The following SMARCAD1 variants were observed in gnomAD, a reference collection of about 807,000 sequenced individuals.
The protein encoded by SMARCAD1 is SNF2 related chromatin remodeling ATPase with DExD box 1, also known as SWI/SNF-related matrix-associated actin-dependent regulator of chromatin subfamily A containing DEAD/H box 1.
A neutral mutation model predicts 127.1 loss-of-function variants in SMARCAD1; 25 were observed. The ratio of observed to expected loss-of-function variants is 0.20; its 90% confidence interval spans 0.14 to 0.27. The LOEUF (loss-of-function observed/expected upper bound fraction) is 0.27. Ranked by LOEUF, SMARCAD1 falls within the 10% of genes least tolerant of loss-of-function variation. SMARCAD1 has a pLI of 1.00. For missense variants in SMARCAD1, 807 were observed against 1,206.0 expected (o/e 0.67, Z 4.90); for synonymous variants, 400 against 396.9 (o/e 1.01, Z -0.09).
intron 9 of SMARCAD1, among the ~76,000 whole-genome samples, chr4:94,254,645 G>A (rs923934944): frequency 3.3e-5 from 5 of 152,026 alleles, no homozygotes; most frequent in African/African-American, 1.2e-4. Flanking sequence ...CTTTCTAAAA[G>A]TTGAACATAA....
At chr4:94,270,451 C>T in intron 10 of SMARCAD1, 1 of 335,546 alleles carries the variant, frequency 3.0e-6, no homozygotes, top group Non-Finnish European at 5.7e-6. Context: ...ATATTCTAAT[C>T]ATTTATGGAA....
chr4:94,241,110 C>T (rs1747511084), intron 6 of SMARCAD1, 104 bp downstream of exon 6: 1 of 764,906 alleles, frequency 1.3e-6, no homozygotes, highest in Non-Finnish European at 2.3e-6. Context: ...AAATGAATTC[C>T]TTTCTATCAC....
rs1369180793 is a variant in SMARCAD1, at chr4:94,265,758, T to C, written c.1481+852T>C. ...GGCAAAACCATGGAAACAAATGGAG[T>C]TCCTAAAATTAGGGAATAATTGAAA... On this transcript the variant is annotated intron_variant, in intron 10 of 23. Transcript: ENST00000354268. Among the ~76,000 whole-genome samples, 7 of 151,830 alleles carry C rather than the reference T, an allele frequency of 4.6e-5. 1 individual carries two copies. Among genetic ancestry groups the C allele is most frequent in the Non-Finnish European group, 1.0e-4 (7 of 67,832 alleles).
chr4:94,229,775 G>A (rs1473550538), intron 3 of SMARCAD1, among the ~76,000 whole-genome samples: 3 of 148,398 alleles, frequency 2.0e-5, no homozygotes, highest in Non-Finnish European at 3.0e-5. Flanking sequence ...GGGAGAGAGA[G>A]AAGGAAAAAT....
intron 9 of SMARCAD1, among the ~76,000 whole-genome samples, chr4:94,262,298 C>G (rs886849817): frequency 2.0e-5 from 3 of 152,146 alleles, no homozygotes; most frequent in African/African-American, 7.2e-5. Context: ...ATAGATGGTA[C>G]CACTAATCTG....
At chr4:94,248,436 T>G (rs543283588) in intron 6 of SMARCAD1, 378 of 456,072 alleles carry the variant, frequency 8.3e-4, no homozygotes, top group Non-Finnish European at 1.3e-3. Context: ...CTCAGCTGGT[T>G]GTTGTCCATC....
intron 11 of SMARCAD1, among the ~76,000 whole-genome samples, chr4:94,272,278 T>G (rs924841283): frequency 6.6e-6 from 1 of 152,230 alleles, no homozygotes; most frequent in African/African-American, 2.4e-5. Flanking sequence ...CTCCAACGTA[T>G]GTATTGTCAG....
chr4:94,218,723 G>A (rs943511288), intron 2 of SMARCAD1, among the ~76,000 whole-genome samples: 4 of 152,230 alleles, frequency 2.6e-5, no homozygotes, highest in Admixed American at 2.6e-4. Context: ...TTATTAGAGA[G>A]TTTGATTCAT....
intron 6 of SMARCAD1, among the ~76,000 whole-genome samples, chr4:94,246,354 C>T (rs970224704): frequency 6.6e-6 from 1 of 151,986 alleles, no homozygotes; most frequent in Non-Finnish European, 1.5e-5. Context: ...CTCCTGACCT[C>T]GTGATCCACC....
At chr4:94,256,679 T>G (rs1750142795) in intron 9 of SMARCAD1, among the ~76,000 whole-genome samples, 1 of 152,180 alleles carries the variant, frequency 6.6e-6, no homozygotes, top group African/African-American at 2.4e-5. Flanking sequence ...TTTGTTTAAC[T>G]GGTGATTTCT....
intron 2 of SMARCAD1, among the ~76,000 whole-genome samples, chr4:94,213,522 T>C (rs747995328): frequency 2.0e-5 from 3 of 151,580 alleles, no homozygotes; most frequent in Admixed American, 1.3e-4. Context: ...TCAGGGACGG[T>C]AGATCTTATT....
intron 9 of SMARCAD1, among the ~76,000 whole-genome samples, chr4:94,257,874 C>T (rs1750355441): frequency 2.6e-5 from 4 of 152,070 alleles, no homozygotes; most frequent in Admixed American, 2.6e-4. Context: ...ATTTAGTTCT[C>T]ACTGTCTACC....
chr4:94,242,119 C>T (rs1003793457), intron 6 of SMARCAD1, among the ~76,000 whole-genome samples: 2 of 151,978 alleles, frequency 1.3e-5, no homozygotes, highest in Admixed American at 6.6e-5. Flanking sequence ...CTGCAACCTC[C>T]ACTTCCCTGG....
At position 94,208,233 on chromosome 4, in the gene SMARCAD1, T is replaced by C. The variant is rs1238188761; in HGVS notation, c.-49-113T>C. On this transcript the variant is annotated intron_variant, in intron 1 of 23. Coordinates refer to ENST00000354268, the MANE Select transcript of SMARCAD1 (RefSeq NM_020159.5). ...CAATGAAGCGCAGCCATAACAGTCC[T>C]GAGCCACTGGCATGTTTGCGGGCCC... 6.4e-6 allele frequency: 5 copies of C among 776,498 alleles called. No individual in the cohort carries two copies. The African/African-American group carries it at 8.5e-5, about 13-fold the overall frequency. The allele number at this position is 776,498 out of a possible 1,614,324, so 48.1% of individuals were successfully genotyped here.
chr4:94,227,361 AT>A (rs1745185992), intron 3 of SMARCAD1, among the ~76,000 whole-genome samples: 1 of 152,190 alleles, frequency 6.6e-6, no homozygotes. Context: ...AGGTAAAATT[AT>A]CTGAGTTAGA....
chr4:94,278,564 A>C (rs1330328152), intron 17 of SMARCAD1, 47 bp downstream of exon 17: 2 of 1,609,876 alleles, frequency 1.2e-6, no homozygotes. Context: ...TTTAAAACTT[A>C]GGTTTTTCTC....
At chr4:94,281,362 G>T in intron 20 of SMARCAD1, 110 bp from the exon 21 acceptor site, 1 of 809,728 alleles carries the variant, frequency 1.2e-6, no homozygotes, top group Non-Finnish European at 2.2e-6. Context: ...AGAATTTTCT[G>T]CAAATTTATC....
Position 94,253,019 on chromosome 4 carries a change from T to A in SMARCAD1, c.1281+12T>A. 6.2e-7 allele frequency: 1 copy of A among 1,609,400 alleles called. No individual in the cohort carries two copies. Among genetic ancestry groups the A allele is most frequent in the Non-Finnish European group, 8.5e-7 (1 of 1,179,988 alleles). The stretch of plus-strand genomic sequence containing the variant: ...GTTGGGAGGCTCTGGTAAGGCTTTA[T>A]TCTTTTTTTCCCCTTGTATGTGTGT... On this transcript the variant is annotated intron_variant, in intron 9 of 23. Transcript: ENST00000354268.
intron 6 of SMARCAD1, among the ~76,000 whole-genome samples, chr4:94,246,659 C>T (rs1266171097): frequency 6.6e-6 from 1 of 152,142 alleles, no homozygotes; most frequent in South Asian, 2.1e-4. Flanking sequence ...GTGGCATGTA[C>T]GTATCTGACC....
Sources: gnomAD v4.1 joint callset for allele counts (sites outside exome capture counted in the v4.1 genomes callset) on GRCh38, gnomAD v4.1.1 for gene constraint, MANE v1.5 for transcripts, NCBI Gene and HGNC (gene_info 2026-07-23, HGNC 2026-07-21) for gene names.